Variants in DIAPH3 observed in about 807,000 individuals in gnomAD.
The protein encoded by DIAPH3 is protein diaphanous homolog 3.
Under a neutral mutation model 144.3 loss-of-function variants are expected in DIAPH3, and 117 were observed. That is an observed-to-expected ratio of 0.81 (90% CI 0.70 to 0.95). The LOEUF (loss-of-function observed/expected upper bound fraction) is 0.95. Among genes scored for constraint, DIAPH3 ranks in the 40% least tolerant of loss-of-function variants. DIAPH3 has a pLI of 0.00. For synonymous variants in DIAPH3, 519 were observed against 488.9 expected (o/e 1.06, Z -0.81); for missense variants, 1,421 against 1,412.7 (o/e 1.01, Z -0.09).
At chr13:59,715,067 G>A (rs368361515) in intron 27 of DIAPH3, among the ~76,000 whole-genome samples, 1 of 152,038 alleles carries the variant, frequency 6.6e-6, no homozygotes, top group Non-Finnish European at 1.5e-5. Flanking sequence ...CTAGCAAGTA[G>A]GATAGACCGT....
intron 20 of DIAPH3, among the ~76,000 whole-genome samples, chr13:59,890,917 C>T (rs1367652049): frequency 4.6e-5 from 7 of 151,924 alleles, no homozygotes; most frequent in African/African-American, 1.5e-4. Context: ...CTGAACTTTA[C>T]GGACCCTTTC....
At chr13:59,930,294 T>G (rs1382786976) in intron 17 of DIAPH3, among the ~76,000 whole-genome samples, 1 of 152,134 alleles carries the variant, frequency 6.6e-6, no homozygotes, top group Admixed American at 6.5e-5. Context: ...CTCAAAGAAT[T>G]TAAGGTCTAA....
chr13:59,762,052 C>CTTTTTTTTTTTTTTTTTTTTTT (rs35387511), intron 27 of DIAPH3, among the ~76,000 whole-genome samples: 15 of 59,520 alleles, frequency 2.5e-4, no homozygotes, highest in South Asian at 1.9e-3. Flanking sequence ...GCGTCAGCAT[C>CTTTTTTTTTTTTTTTTTTTTTT]TTTTTTTTTT....
intron 19 of DIAPH3, among the ~76,000 whole-genome samples, chr13:59,914,747 C>G (rs908168812): frequency 6.6e-6 from 1 of 152,086 alleles, no homozygotes; most frequent in African/African-American, 2.4e-5. Flanking sequence ...CCATGAGAAG[C>G]TGGAAATACA....
At position 59,739,239 on chromosome 13, in the gene DIAPH3, C is replaced by A. The variant is rs181659800; in HGVS notation, c.3319+34950G>T. On this transcript the variant is annotated intron_variant, in intron 27 of 27. Transcript: ENST00000400324. ...TGTGCTGTATAAAATAAACTGACTA[C>A]GTTTCATCTACTGAATTGCAGTTCG... 3.9e-5 allele frequency among the ~76,000 whole-genome samples: 6 copies of A among 152,306 alleles called. No individual in the cohort carries two copies. In the East Asian group the frequency reaches 1.2e-3, roughly 29 times the overall value.
intron 12 of DIAPH3, among the ~76,000 whole-genome samples, chr13:59,988,016 C>G (rs1200676805): frequency 2.6e-5 from 4 of 151,768 alleles, no homozygotes; most frequent in African/African-American, 9.7e-5. Context: ...GTCCCTCAAG[C>G]CATTTAGACT....
chr13:59,950,032 G>A (rs2049018928), intron 17 of DIAPH3, among the ~76,000 whole-genome samples: 1 of 152,076 alleles, frequency 6.6e-6, no homozygotes, highest in Admixed American at 6.6e-5. Context: ...CCAGTTTCTG[G>A]ACTTTACCTA....
At chr13:60,069,163 T>C (rs1594574189) in intron 4 of DIAPH3, among the ~76,000 whole-genome samples, 3 of 152,334 alleles carry the variant, frequency 2.0e-5, no homozygotes, top group Admixed American at 2.0e-4. Flanking sequence ...TTTGACTTTT[T>C]AATAACAGCC....
At chr13:59,762,707 T>C (rs910285213) in intron 27 of DIAPH3, among the ~76,000 whole-genome samples, 13 of 152,180 alleles carry the variant, frequency 8.5e-5, no homozygotes, top group Admixed American at 5.2e-4. Flanking sequence ...TTCAGATTAA[T>C]TGTAAGATTC....
intron 27 of DIAPH3, among the ~76,000 whole-genome samples, chr13:59,721,547 G>T (rs10507636): frequency 6.6e-5 from 10 of 152,218 alleles, no homozygotes; most frequent in African/African-American, 2.4e-4. Flanking sequence ...AATTGACGGT[G>T]TGAGTTTCTC....
chr13:60,148,806 A>G (rs1203877074), intron 1 of DIAPH3, among the ~76,000 whole-genome samples: 1 of 152,198 alleles, frequency 6.6e-6, no homozygotes, highest in African/African-American at 2.4e-5. Context: ...AAAAAGCCCA[A>G]GTTAACTCCA....
At chr13:60,044,646 AC>A (rs1288437561) in intron 4 of DIAPH3, among the ~76,000 whole-genome samples, 7 of 152,176 alleles carry the variant, frequency 4.6e-5, no homozygotes, top group African/African-American at 1.7e-4. Flanking sequence ...CAAAATAACT[AC>A]TGTTAATATA....
Position 59,666,464 on chromosome 13 carries a change from T to A in DIAPH3, c.*120A>T. ...CATATATTTAGCTTTATTTTTCTAA[T>A]ATATATCATAATTTAAAACTATATA... On this transcript the variant is annotated 3_prime_UTR_variant, in exon 28 of 28. Coordinates refer to ENST00000400324, the MANE Select transcript of DIAPH3 (RefSeq NM_001042517.2). The A allele has an allele frequency of 8.6e-7, 1 of 1,160,876 alleles. No individual in the cohort carries two copies. Among genetic ancestry groups the A allele is most frequent in the African/African-American group, 1.6e-5 (1 of 63,748 alleles). The allele number at this position is 1,160,876 out of a possible 1,614,324, so 71.9% of individuals were successfully genotyped here.
At chr13:59,697,459 C>CAAA (rs58372882) in intron 27 of DIAPH3, among the ~76,000 whole-genome samples, 701 of 31,186 alleles carry the variant, frequency 0.022, 88 homozygotes, top group Non-Finnish European at 0.028. Flanking sequence ...GACACTGTCT[C>CAAA]AAAAAAAAAA....
chr13:60,056,292 G>C (rs1027757855), intron 4 of DIAPH3, among the ~76,000 whole-genome samples: 1 of 150,966 alleles, frequency 6.6e-6, no homozygotes, highest in African/African-American at 2.4e-5. Flanking sequence ...GAGAGAGAAC[G>C]AGCAATAGAG....
intron 9 of DIAPH3, among the ~76,000 whole-genome samples, chr13:60,006,866 T>A (rs954848510): frequency 3.9e-5 from 6 of 152,076 alleles, no homozygotes; most frequent in Non-Finnish European, 2.9e-5. Flanking sequence ...CCAGAATGCA[T>A]GAAAAGGGGC....
intron 25 of DIAPH3, among the ~76,000 whole-genome samples, chr13:59,791,535 AG>A (rs2039324174): frequency 6.6e-6 from 1 of 152,156 alleles, no homozygotes. Context: ...GTGGTAGCAG[AG>A]GGGAGATTTG....
chr13:59,827,111 C>T (rs1305700846), intron 24 of DIAPH3, among the ~76,000 whole-genome samples: 1 of 152,154 alleles, frequency 6.6e-6, no homozygotes, highest in East Asian at 1.9e-4. Flanking sequence ...CCATTCACGA[C>T]ATAGGCATGG....
At chr13:59,707,243 A>C (rs1354074744) in intron 27 of DIAPH3, among the ~76,000 whole-genome samples, 1 of 152,190 alleles carries the variant, frequency 6.6e-6, no homozygotes, top group Non-Finnish European at 1.5e-5. Flanking sequence ...TTCCCTCAAG[A>C]GAACAATACC....
Sources: gnomAD v4.1 joint callset for allele counts (sites outside exome capture counted in the v4.1 genomes callset) on GRCh38, gnomAD v4.1.1 for gene constraint, MANE v1.5 for transcripts, NCBI Gene and HGNC (gene_info 2026-07-23, HGNC 2026-07-21) for gene names.